Variants in PHACTR1 observed in about 807,000 individuals in gnomAD.
PHACTR1 encodes RPEL repeat containing 1.
Under a neutral mutation model 69.2 loss-of-function variants are expected in PHACTR1, and 16 were observed. The ratio of observed to expected loss-of-function variants is 0.23; its 90% confidence interval spans 0.16 to 0.35. The LOEUF (loss-of-function observed/expected upper bound fraction) is 0.35. Ranked by LOEUF, PHACTR1 falls within the 10% of genes least tolerant of loss-of-function variation. The pLI is 1.00. For missense variants in PHACTR1, 510 were observed against 734.7 expected, an observed-to-expected ratio of 0.69 and a Z score of 3.54; for synonymous variants, 312 against 284.5, an observed-to-expected ratio of 1.10 and a Z score of -0.97.
chr6:13,066,782 C>T (rs1808717201), intron 5 of PHACTR1, among the ~76,000 whole-genome samples: 1 of 152,104 alleles, frequency 6.6e-6, no homozygotes, highest in African/African-American at 2.4e-5. Flanking sequence ...TGTCTCAGGG[C>T]TTTTCCATGG....
intron 10 of PHACTR1, among the ~76,000 whole-genome samples, chr6:13,249,593 G>A (rs1032625808): frequency 4.6e-5 from 7 of 152,106 alleles, no homozygotes; most frequent in Non-Finnish European, 1.0e-4. Context: ...AAGGTCAGGA[G>A]TTCAAGACCA....
intron 5 of PHACTR1, among the ~76,000 whole-genome samples, chr6:13,117,857 C>T (rs762585717): frequency 2.0e-5 from 3 of 152,174 alleles, no homozygotes; most frequent in Non-Finnish European, 2.9e-5. Flanking sequence ...TCCCACCTAA[C>T]GCAGAGCTCT....
rs575914893 is a variant in PHACTR1, at chr6:13,246,006, G to A, written c.1391+15813G>A. On this transcript the variant is annotated intron_variant, in intron 10 of 14. Transcript: ENST00000332995. The surrounding 1 kb of genome is among the most constrained non-coding windows in gnomAD (Gnocchi z 4.2). ...ACTGCATCTAGCCTTAATTTTACAG[G>A]TAAATGGCTGATAGAGGCTACACTA... Among the ~76,000 whole-genome samples the A allele has an allele frequency of 6.6e-6, 1 of 152,190 alleles. No individual in the cohort carries two copies. Among genetic ancestry groups the A allele is most frequent in the South Asian group, 2.1e-4 (1 of 4,820 alleles).
chr6:12,915,509 AAAAAAAAAAAAG>A (rs919641115), intron 4 of PHACTR1, among the ~76,000 whole-genome samples: 13 of 149,092 alleles, frequency 8.7e-5, no homozygotes, highest in Admixed American at 2.0e-4. Flanking sequence ...TCTCTCTCAA[AAAAAAAAAAAAG>A]AAAAAAAAAA....
intron 12 of PHACTR1, among the ~76,000 whole-genome samples, chr6:13,278,772 A>G (rs1779494094): frequency 6.6e-6 from 1 of 152,158 alleles, no homozygotes. Context: ...AGCCTGGGCA[A>G]CATGGTAAAA....
intron 4 of PHACTR1, among the ~76,000 whole-genome samples, chr6:12,860,715 T>C (rs1474230721): frequency 6.6e-6 from 1 of 152,218 alleles, no homozygotes; most frequent in Admixed American, 6.5e-5. Context: ...GGTATCTCAT[T>C]GTGGTTTTGA....
At chr6:13,257,257 A>G (rs1340826603) in intron 10 of PHACTR1, among the ~76,000 whole-genome samples, 1 of 152,188 alleles carries the variant, frequency 6.6e-6, no homozygotes, top group Non-Finnish European at 1.5e-5. Flanking sequence ...TATCAGGAGA[A>G]CAGCACCAAG....
intron 4 of PHACTR1, among the ~76,000 whole-genome samples, chr6:13,031,758 G>T (rs1453578443): frequency 6.7e-6 from 1 of 150,176 alleles, no homozygotes; most frequent in Non-Finnish European, 1.5e-5. Flanking sequence ...CATTACTCAT[G>T]TCTTTAAAAC....
At chr6:13,192,660 T>A (rs1433426588) in intron 7 of PHACTR1, among the ~76,000 whole-genome samples, 1 of 152,210 alleles carries the variant, frequency 6.6e-6, no homozygotes, top group African/African-American at 2.4e-5. Context: ...ACTGGATGTA[T>A]AAATAAACTG....
At chr6:12,976,210 ATT>A (rs1794864200) in intron 4 of PHACTR1, among the ~76,000 whole-genome samples, 1 of 152,156 alleles carries the variant, frequency 6.6e-6, no homozygotes. Context: ...CGACTTTTAG[ATT>A]TCTTTTCAGA....
intron 5 of PHACTR1, among the ~76,000 whole-genome samples, chr6:13,116,914 A>G (rs1817907459): frequency 6.6e-6 from 1 of 152,232 alleles, no homozygotes; most frequent in Admixed American, 6.5e-5. Context: ...CACTGCTAGT[A>G]GGTGGTAAGG....
intron 4 of PHACTR1, among the ~76,000 whole-genome samples, chr6:12,885,688 C>T (rs547647122): frequency 6.6e-6 from 1 of 152,318 alleles, no homozygotes; most frequent in South Asian, 2.1e-4. Context: ...AGAAAAAATA[C>T]TGTTCTTTAT....
chr6:12,880,775 G>A (rs1207521565), intron 4 of PHACTR1, among the ~76,000 whole-genome samples: 2 of 152,176 alleles, frequency 1.3e-5, no homozygotes, highest in African/African-American at 4.8e-5. Flanking sequence ...AGCACTCCAG[G>A]TATGGAGGTC....
In PHACTR1 at chr6:12,909,453, C is replaced by T. The variant is rs569237158; in HGVS notation, c.251-143912C>T. Among the ~76,000 whole-genome samples, 18 of 152,178 alleles carry T rather than the reference C, an allele frequency of 1.2e-4. No individual in the cohort carries two copies. In the East Asian group the frequency reaches 1.5e-3, roughly 13 times the overall value. On this transcript the variant is annotated intron_variant, in intron 4 of 14. Coordinates refer to ENST00000332995, the MANE Select transcript of PHACTR1 (RefSeq NM_030948.6). Reference sequence around the variant, plus strand: ...GAGTTGTGAGATGTATAATTATATGCGGGAGTAATTGGTTTTAAATTTATT... The same window carrying T: ...GAGTTGTGAGATGTATAATTATATGTGGGAGTAATTGGTTTTAAATTTATT...
At chr6:13,128,473 G>A (rs1244568738) in intron 5 of PHACTR1, among the ~76,000 whole-genome samples, 1 of 151,518 alleles carries the variant, frequency 6.6e-6, no homozygotes, top group East Asian at 1.9e-4. Flanking sequence ...CACAACTTCT[G>A]GAAGTGAAAG....
intron 4 of PHACTR1, among the ~76,000 whole-genome samples, chr6:12,760,198 T>C (rs988306236): frequency 2.0e-5 from 3 of 152,206 alleles, no homozygotes; most frequent in African/African-American, 7.2e-5. Context: ...CATCTTACTC[T>C]TTGGAGCAGA....
At chr6:12,752,186 T>A (rs1766703541) in intron 4 of PHACTR1, among the ~76,000 whole-genome samples, 1 of 152,226 alleles carries the variant, frequency 6.6e-6, no homozygotes, top group Non-Finnish European at 1.5e-5. Context: ...CGAAGTAAGA[T>A]CCACTCACAG....
At chr6:13,108,331 A>G (rs1315043706) in intron 5 of PHACTR1, among the ~76,000 whole-genome samples, 1 of 152,066 alleles carries the variant, frequency 6.6e-6, no homozygotes, top group African/African-American at 2.4e-5. Flanking sequence ...ATGTGTCCTT[A>G]AAAAGAATGT....
At chr6:13,088,300 C>G (rs1812642189) in intron 5 of PHACTR1, among the ~76,000 whole-genome samples, 1 of 147,582 alleles carries the variant, frequency 6.8e-6, no homozygotes, top group Non-Finnish European at 1.5e-5. Context: ...CTATTTCCCC[C>G]CACCACGCCC....
Sources: gnomAD v4.1 joint callset for allele counts (sites outside exome capture counted in the v4.1 genomes callset) on GRCh38, gnomAD v4.1.1 for gene constraint, Gnocchi (gnomAD v3.1) non-coding constraint, MANE v1.5 for transcripts, NCBI Gene and HGNC (gene_info 2026-07-23, HGNC 2026-07-21) for gene names.